Variants in MAD1L1 observed in about 807,000 individuals in gnomAD.
The protein encoded by MAD1L1 is mitotic spindle assembly checkpoint protein MAD1.
In MAD1L1, 95 loss-of-function variants were observed where a neutral mutation model predicts 96.9. That is an observed-to-expected ratio of 0.98 (90% CI 0.83 to 1.16). The LOEUF is 1.16. MAD1L1 is among the 50% of genes most tolerant of loss of function. MAD1L1 has a pLI of 0.00. For synonymous variants in MAD1L1, 473 were observed against 396.6 expected, an observed-to-expected ratio of 1.19 and a Z score of -2.29; for missense variants, 1,007 against 954.4, an observed-to-expected ratio of 1.06 and a Z score of -0.73.
chr7:2,170,777 G>C (rs892429802), intron 10 of MAD1L1, among the ~76,000 whole-genome samples: 1 of 152,144 alleles, frequency 6.6e-6, no homozygotes, highest in African/African-American at 2.4e-5. Context: ...GGCAAGGAGA[G>C]GAAATCACAG....
intron 17 of MAD1L1, among the ~76,000 whole-genome samples, chr7:1,898,860 G>A (rs1260789162): frequency 2.6e-5 from 4 of 152,190 alleles, no homozygotes; most frequent in African/African-American, 4.8e-5. Context: ...GTCCCAAAGC[G>A]AAGGCCTGGG....
chr7:1,978,340 T>C (rs992162111), intron 15 of MAD1L1, among the ~76,000 whole-genome samples: 3 of 152,220 alleles, frequency 2.0e-5, no homozygotes, highest in Non-Finnish European at 4.4e-5. Context: ...GGGCTGCTCT[T>C]GCAAGTCAGG....
intron 15 of MAD1L1, among the ~76,000 whole-genome samples, chr7:1,971,558 A>T (rs929167138): frequency 6.6e-6 from 1 of 152,232 alleles, no homozygotes; most frequent in African/African-American, 2.4e-5. Context: ...TATATTATAT[A>T]AACGGAAAAA....
chr7:1,979,223 T>C (rs899990521), intron 15 of MAD1L1, among the ~76,000 whole-genome samples: 1 of 152,094 alleles, frequency 6.6e-6, no homozygotes, highest in African/African-American at 2.4e-5. Flanking sequence ...GGAAGGGTGC[T>C]CTCTCCCCAC....
chr7:2,003,028 C>T (rs1781871277), intron 13 of MAD1L1, among the ~76,000 whole-genome samples: 1 of 151,016 alleles, frequency 6.6e-6, no homozygotes, highest in South Asian at 2.1e-4. Context: ...GGCAGGGGGC[C>T]TTGTGAGACC....
At chr7:1,881,225 G>C (rs139375639) in intron 18 of MAD1L1, among the ~76,000 whole-genome samples, 4 of 152,200 alleles carry the variant, frequency 2.6e-5, no homozygotes, top group Non-Finnish European at 5.9e-5. Flanking sequence ...CTCAAATATG[G>C]GTTTAAATGG....
intron 18 of MAD1L1, among the ~76,000 whole-genome samples, chr7:1,855,239 G>A (rs550430288): frequency 3.9e-5 from 6 of 152,038 alleles, no homozygotes; most frequent in Non-Finnish European, 7.4e-5. Flanking sequence ...AGTGGCAGAC[G>A]GGGCCTGAGG....
rs151141965 is a variant in MAD1L1 at position 1,951,261 on chromosome 7, A to G, written c.1596+6368T>C. 8.5e-5 allele frequency among the ~76,000 whole-genome samples: 13 copies of G among 152,372 alleles called. No homozygotes were observed. In the East Asian group the frequency reaches 2.5e-3, roughly 29 times the overall value. ...GGCAGGAGGCCTCAGGGGCTCAGGC[A>G]GCAGGTGCAGGACCAGCTGGTGGAT... On this transcript the variant is annotated intron_variant, in intron 16 of 18. Transcript: ENST00000265854.
At chr7:2,085,348 T>C (rs867734934) in intron 11 of MAD1L1, among the ~76,000 whole-genome samples, 8 of 152,308 alleles carry the variant, frequency 5.3e-5, no homozygotes, top group Middle Eastern at 6.8e-3. Context: ...CCGTGTGGTC[T>C]GTCTCCCCGC....
At chr7:2,037,710 C>T (rs891151004) in intron 12 of MAD1L1, among the ~76,000 whole-genome samples, 3 of 152,150 alleles carry the variant, frequency 2.0e-5, no homozygotes, top group Non-Finnish European at 4.4e-5. Flanking sequence ...GCTCCTCAGA[C>T]GGCAAAAGCT....
chr7:1,831,080 G>A (rs1201194677), intron 18 of MAD1L1, among the ~76,000 whole-genome samples: 1 of 152,284 alleles, frequency 6.6e-6, no homozygotes, highest in Non-Finnish European at 1.5e-5. Flanking sequence ...TTCGCCCTGT[G>A]TTCACATGAG....
chr7:1,913,898 T>C (rs1010797691), intron 17 of MAD1L1, among the ~76,000 whole-genome samples: 1 of 152,092 alleles, frequency 6.6e-6, no homozygotes, highest in African/African-American at 2.4e-5. Context: ...CCCCTCACAG[T>C]TCCTCCTGGG....
chr7:2,169,490 A>G (rs1312573785), intron 10 of MAD1L1, among the ~76,000 whole-genome samples: 3 of 152,274 alleles, frequency 2.0e-5, no homozygotes, highest in Non-Finnish European at 4.4e-5. Flanking sequence ...CTCCAATCCA[A>G]AAAGGCATAG....
intron 12 of MAD1L1, among the ~76,000 whole-genome samples, chr7:2,065,585 G>A (rs1308608169): frequency 6.6e-6 from 1 of 152,152 alleles, no homozygotes; most frequent in African/African-American, 2.4e-5. Context: ...AGCCAGCCCA[G>A]ACCCAACACC....
At chr7:1,831,885 C>T (rs1277610820) in intron 18 of MAD1L1, among the ~76,000 whole-genome samples, 2 of 152,156 alleles carry the variant, frequency 1.3e-5, no homozygotes, top group African/African-American at 2.4e-5. Context: ...AACAAAATTC[C>T]TTTCAAAATA....
intron 18 of MAD1L1, among the ~76,000 whole-genome samples, chr7:1,878,611 G>A (rs951525656): frequency 6.6e-6 from 1 of 151,000 alleles, no homozygotes; most frequent in Non-Finnish European, 1.5e-5. Flanking sequence ...TTAGCAAGTA[G>A]AACAGAAGGG....
chr7:2,186,859 T>G (rs1304117813), intron 10 of MAD1L1, among the ~76,000 whole-genome samples: 1 of 151,234 alleles, frequency 6.6e-6, no homozygotes, highest in Non-Finnish European at 1.5e-5. Flanking sequence ...AGTGGCACAA[T>G]CTCAGCTCAC....
At chr7:2,004,971 G>C (rs751645339) in intron 13 of MAD1L1, among the ~76,000 whole-genome samples, 1 of 152,216 alleles carries the variant, frequency 6.6e-6, no homozygotes, top group Non-Finnish European at 1.5e-5. Flanking sequence ...GTGACTCGGA[G>C]CCAAGGAGCC....
intron 14 of MAD1L1, among the ~76,000 whole-genome samples, chr7:1,997,526 G>A (rs951220135): frequency 3.9e-5 from 6 of 152,272 alleles, no homozygotes; most frequent in Non-Finnish European, 8.8e-5. Context: ...AGCTCAGGGC[G>A]AGCTCCCGCT....
Sources: allele counts gnomAD v4.1 joint callset (sites outside exome capture counted in the v4.1 genomes callset), GRCh38; gene constraint gnomAD v4.1.1; transcripts MANE v1.5; gene names NCBI Gene and HGNC (gene_info 2026-07-23, HGNC 2026-07-21).